Variants in ITSN1 observed in about 807,000 individuals in gnomAD.
ITSN1 encodes intersectin 1, also known as intersectin-1.
A neutral mutation model predicts 239.8 loss-of-function variants in ITSN1; 58 were observed. The observed-to-expected ratio is 0.24, with a 90% CI of 0.20 to 0.30. ITSN1 has a LOEUF of 0.30. ITSN1 is among the 10% of genes least tolerant of loss of function. The probability of loss-of-function intolerance (pLI) is 1.00; values close to 1 mark genes in which losing one functional copy is unlikely to be tolerated. For synonymous variants in ITSN1, 780 were observed against 770.8 expected (o/e 1.01, Z -0.20); for missense variants, 1,558 against 2,103.3 (o/e 0.74, Z 5.07).
chr21:33,712,698 T>C lies in ITSN1; in HGVS notation c.-32-6099T>C, dbSNP rs2092449357. On this transcript the variant is annotated intron_variant, in intron 1 of 39. Coordinates refer to ENST00000381318, the MANE Select transcript of ITSN1 (RefSeq NM_003024.3). Reference sequence around the variant, plus strand: ...ACTGGGGCCCACCTGTGGGGCAGAGTTGTAGAGAAAAGACAAAAAAGAAAG... The same window carrying C: ...ACTGGGGCCCACCTGTGGGGCAGAGCTGTAGAGAAAAGACAAAAAAGAAAG... 2.0e-5 allele frequency among the ~76,000 whole-genome samples: 3 copies of C among 152,100 alleles called. 1 individual carries two copies. The highest frequency in any genetic ancestry group is 4.1e-4 in the South Asian group (2 of 4,828).
intron 11 of ITSN1, among the ~76,000 whole-genome samples, 171 bp from the exon 12 acceptor site, chr21:33,771,886 CAGAG>C (rs1156986573): frequency 2.6e-5 from 4 of 152,152 alleles, no homozygotes; most frequent in African/African-American, 9.7e-5. Flanking sequence ...AAGATATAAA[CAGAG>C]AGGTTAGGCA....
rs866638378 is a variant in ITSN1 at position 33,717,832 on chromosome 21, T to G, written c.-32-965T>G. On this transcript the variant is annotated intron_variant, in intron 1 of 39. Coordinates refer to ENST00000381318, the MANE Select transcript of ITSN1 (RefSeq NM_003024.3). ...TCCGCCCGCCTTGGCCTCCCAAAGTTCTGGGATTACAGGCGTGAGCCACTG... is the reference window on the plus strand; with the variant it reads ...TCCGCCCGCCTTGGCCTCCCAAAGTGCTGGGATTACAGGCGTGAGCCACTG... 2.5e-4 allele frequency among the ~76,000 whole-genome samples: 38 copies of G among 151,896 alleles called. 1 individual carries two copies. The South Asian group carries it at 3.1e-3, about 12-fold the overall frequency.
intron 5 of ITSN1, among the ~76,000 whole-genome samples, chr21:33,738,616 G>T (rs958389291): frequency 6.6e-6 from 1 of 152,092 alleles, no homozygotes; most frequent in African/African-American, 2.4e-5. Context: ...TGGCCAGGCT[G>T]GTCTTGAACT....
At chr21:33,731,307 T>C (rs1489211595) in intron 4 of ITSN1, among the ~76,000 whole-genome samples, 1 of 152,110 alleles carries the variant, frequency 6.6e-6, no homozygotes, top group African/African-American at 2.4e-5. Flanking sequence ...GGCAGTGGTG[T>C]GGGGAACAGG....
chr21:33,854,253 C>T (rs750726821), intron 29 of ITSN1, among the ~76,000 whole-genome samples: 6 of 152,190 alleles, frequency 3.9e-5, no homozygotes, highest in East Asian at 1.9e-4. Flanking sequence ...GTGGCCACTA[C>T]GGGCCTGATG....
At chr21:33,861,399 G>A (rs2148490515) in intron 31 of ITSN1, among the ~76,000 whole-genome samples, 1 of 152,140 alleles carries the variant, frequency 6.6e-6, no homozygotes, top group Non-Finnish European at 1.5e-5. Flanking sequence ...TATTTGGGGG[G>A]TGGGGCAGGG....
chr21:33,841,684 T>C (rs2074828771), intron 29 of ITSN1, among the ~76,000 whole-genome samples: 2 of 152,186 alleles, frequency 1.3e-5, no homozygotes, highest in Non-Finnish European at 2.9e-5. Context: ...CAGGTAACAG[T>C]TGGGCAACGG....
intron 14 of ITSN1, among the ~76,000 whole-genome samples, chr21:33,779,616 A>G (rs1321541692): frequency 6.6e-6 from 1 of 152,080 alleles, no homozygotes; most frequent in African/African-American, 2.4e-5. Context: ...GACTACTTTT[A>G]TTAGCTACTG....
chr21:33,829,609 G>C lies in ITSN1; in HGVS notation c.3230-15G>C. The C allele has an allele frequency of 6.2e-7, 1 of 1,611,854 alleles. No homozygotes were observed. The highest frequency in any genetic ancestry group is 1.3e-5 in the African/African-American group (1 of 74,948). On this transcript the variant is annotated splice_polypyrimidine_tract_variant and intron_variant, in intron 26 of 39. Coordinates refer to ENST00000381318, the MANE Select transcript of ITSN1 (RefSeq NM_003024.3). ...CTCTTAACAGTGCACTGCCGTGTTT[G>C]ATCTTGTTTTTCAGAAATTGCCCAG...
rs200922343 is a variant in ITSN1 at position 33,883,550 on chromosome 21, C to G, written c.4555C>G (p.Pro1519Ala). The G allele has an allele frequency of 6.2e-7, 1 of 1,613,322 alleles. No homozygotes were observed. The highest frequency in any genetic ancestry group is 8.5e-7 in the Non-Finnish European group (1 of 1,179,440). The change falls in exon 36 of 40, where the codon CCT becomes GCT. Residue 1519 changes from proline to alanine, a missense_variant and splice_region_variant. Around this residue, in one of 2 missense-constraint regions of ITSN1, gnomAD observed 576 missense variants for 893.3 expected, o/e 0.64. Transcript: ENST00000381318. ...GTAATGCCTGTGTGTTACTTTCCAGCCTATTTTCCTAAATGAGGTTCTAGT... is the reference window on the plus strand; with the variant it reads ...GTAATGCCTGTGTGTTACTTTCCAGGCTATTTTCCTAAATGAGGTTCTAGT... ...SNLQYKMYKTPIFLNEVLVKL... is the reference protein window; with the variant it reads ...SNLQYKMYKTAIFLNEVLVKL...
intron 29 of ITSN1, among the ~76,000 whole-genome samples, chr21:33,841,623 T>C (rs2074825796): frequency 6.6e-6 from 1 of 152,180 alleles, no homozygotes; most frequent in Non-Finnish European, 1.5e-5. Flanking sequence ...CCAGGGACCG[T>C]TGTCTGAGCC....
At chr21:33,683,153 A>T (rs1255155814) in intron 1 of ITSN1, among the ~76,000 whole-genome samples, 1 of 151,684 alleles carries the variant, frequency 6.6e-6, no homozygotes, top group African/African-American at 2.4e-5. Flanking sequence ...CGATTCTCAG[A>T]CTGGATAATC....
At chr21:33,744,123 T>C (rs2067036239) in intron 5 of ITSN1, among the ~76,000 whole-genome samples, 2 of 152,226 alleles carry the variant, frequency 1.3e-5, no homozygotes, top group Admixed American at 1.3e-4. Context: ...GTAATTCCCA[T>C]GCACTGTCAA....
chr21:33,834,221 C>T lies in ITSN1; in HGVS notation c.3352-86C>T, dbSNP rs532739513. 2.4e-5 allele frequency: 22 copies of T among 915,070 alleles called. No individual in the cohort carries two copies. The South Asian group carries it at 3.3e-4, about 14-fold the overall frequency. The allele number at this position is 915,070 out of a possible 1,614,324, so 56.7% of individuals were successfully genotyped here. ...CATTTGTTTTTCAGTTATATGTAAG[C>T]TTTACATAAGTGCTCTGTTATAAAG... On this transcript the variant is annotated intron_variant, in intron 27 of 39. Coordinates refer to ENST00000381318, the MANE Select transcript of ITSN1 (RefSeq NM_003024.3).
chr21:33,744,724 C>G (rs1350389403), intron 5 of ITSN1, among the ~76,000 whole-genome samples: 1 of 152,156 alleles, frequency 6.6e-6, no homozygotes, highest in African/African-American at 2.4e-5. Flanking sequence ...CAGAAGCCAA[C>G]CCGAAGAGGC....
chr21:33,808,101 G>A (rs1349471872), intron 20 of ITSN1, among the ~76,000 whole-genome samples: 2 of 151,410 alleles, frequency 1.3e-5, no homozygotes, highest in Non-Finnish European at 2.9e-5. Flanking sequence ...GCAGGAGAAT[G>A]GCATGAACCC....
intron 5 of ITSN1, among the ~76,000 whole-genome samples, chr21:33,749,455 C>A (rs771473391): frequency 1.3e-5 from 2 of 151,918 alleles, no homozygotes; most frequent in Non-Finnish European, 2.9e-5. Flanking sequence ...CCATCCTGGC[C>A]AACATGGTGA....
intron 22 of ITSN1, 39 bp from the exon 23 acceptor site, chr21:33,818,228 G>A (rs373636018): frequency 3.4e-5 from 53 of 1,560,812 alleles, no homozygotes; most frequent in Non-Finnish European, 4.2e-5. Context: ...ATAACAAAGC[G>A]CAACATAACG....
chr21:33,781,978 C>T lies in ITSN1; in HGVS notation c.1685-16C>T, dbSNP rs777022865. 16 of 1,573,718 alleles carry T rather than the reference C, an allele frequency of 1.0e-5. No homozygotes were observed. The highest frequency in any genetic ancestry group is 6.9e-5 in the African/African-American group (5 of 72,310). On this transcript the variant is annotated splice_polypyrimidine_tract_variant and intron_variant, in intron 15 of 39. Coordinates refer to ENST00000381318, the MANE Select transcript of ITSN1 (RefSeq NM_003024.3). Reference sequence around the variant, plus strand: ...ATTAAAGTTTTTCTTATCTTTGCGACGTTTTTCTAAAATAGGAGATTCACT... The same window carrying T: ...ATTAAAGTTTTTCTTATCTTTGCGATGTTTTTCTAAAATAGGAGATTCACT...
Sources: gnomAD v4.1 joint callset for allele counts (sites outside exome capture counted in the v4.1 genomes callset) on GRCh38, gnomAD v4.1.1 for gene constraint, gnomAD v4.1.1 regional missense constraint, MANE v1.5 for transcripts, NCBI Gene and HGNC (gene_info 2026-07-23, HGNC 2026-07-21) for gene names.